CNTRL: variants seen among roughly 807,000 people sequenced by gnomAD.
CNTRL encodes the protein 110 kDa centrosomal protein.
Under a neutral mutation model 303.7 loss-of-function variants are expected in CNTRL, and 233 were observed. The ratio of observed to expected loss-of-function variants is 0.77; its 90% confidence interval spans 0.69 to 0.86. CNTRL has a LOEUF of 0.86. CNTRL is among the 40% of genes least tolerant of loss of function. CNTRL has a pLI of 0.00. For synonymous variants in CNTRL, 900 were observed against 922.2 expected, an observed-to-expected ratio of 0.98 and a Z score of 0.44; for missense variants, 2,524 against 2,650.6, an observed-to-expected ratio of 0.95 and a Z score of 1.05.
At chr9:121,103,541 T>A (rs865782156) in intron 7 of CNTRL, among the ~76,000 whole-genome samples, 4 of 152,024 alleles carry the variant, frequency 2.6e-5, no homozygotes, top group African/African-American at 9.7e-5. Flanking sequence ...AAGCCAAAAT[T>A]GACAGATGGG....
intron 14 of CNTRL, among the ~76,000 whole-genome samples, chr9:121,131,442 T>G (rs1337916982): frequency 1.3e-5 from 2 of 152,354 alleles, no homozygotes; most frequent in African/African-American, 4.8e-5. Flanking sequence ...TATCAGAGAC[T>G]AGGATTGCAG....
chr9:121,143,892 T>C lies in CNTRL; in HGVS notation c.2872-11T>C. On this transcript the variant is annotated splice_polypyrimidine_tract_variant and intron_variant, in intron 19 of 43. Transcript: ENST00000373855. ...GATTCATCTGTTTAATTAATATTTCTTTTATTTTAGAAGAAACTTGAAGAT... is the reference window on the plus strand; with the variant it reads ...GATTCATCTGTTTAATTAATATTTCCTTTATTTTAGAAGAAACTTGAAGAT... 6.3e-7 allele frequency: 1 copy of C among 1,578,916 alleles called. No individual in the cohort carries two copies. Among genetic ancestry groups the C allele is most frequent in the Non-Finnish European group, 8.6e-7 (1 of 1,164,996 alleles).
intron 1 of CNTRL, among the ~76,000 whole-genome samples, chr9:121,077,672 C>T (rs1421612140): frequency 6.6e-6 from 1 of 152,154 alleles, no homozygotes; most frequent in Non-Finnish European, 1.5e-5. Context: ...AGGCTGGGCA[C>T]AGTGGCTCAC....
chr9:121,173,150 A>G, intron 40 of CNTRL, 93 bp from the exon 41 acceptor site: 1 of 1,148,194 alleles, frequency 8.7e-7, no homozygotes, highest in Non-Finnish European at 1.2e-6. Flanking sequence ...GTTGATATTT[A>G]TAGATCTTTA....
At chr9:121,102,725 A>G (rs1044990006) in intron 7 of CNTRL, among the ~76,000 whole-genome samples, 3 of 152,362 alleles carry the variant, frequency 2.0e-5, no homozygotes, top group Non-Finnish European at 4.4e-5. Context: ...TCAATGTGCA[A>G]AAATCACAAG....
At position 121,168,184 on chromosome 9, in the gene CNTRL, T is replaced by C; in HGVS notation, c.5933T>C (p.Leu1978Pro). The C allele has an allele frequency of 6.2e-7, 1 of 1,614,108 alleles. No homozygotes were observed. Among genetic ancestry groups the C allele is most frequent in the Non-Finnish European group, 8.5e-7 (1 of 1,180,004 alleles). Reference sequence around the variant, plus strand: ...ACACTGAAGGAGCAACAGCACCAGCTGGAAAAGGAATTAACAGACCAGAAA... The same window carrying C: ...ACACTGAAGGAGCAACAGCACCAGCCGGAAAAGGAATTAACAGACCAGAAA... Reference protein sequence around the residue: ...KVTLKEQQHQLEKELTDQKSK... With the variant: ...KVTLKEQQHQPEKELTDQKSK... Residue 1978 changes from leucine (L) to proline (P), a missense_variant, in exon 38 of 44, where the codon CTG (leucine) becomes CCG (proline). By Grantham distance (98) the Leu-to-Pro change is moderately conservative. Transcript: ENST00000373855.
At chr9:121,143,334 G>A (rs1159028571) in intron 19 of CNTRL, among the ~76,000 whole-genome samples, 1 of 152,090 alleles carries the variant, frequency 6.6e-6, no homozygotes, top group Non-Finnish European at 1.5e-5. Flanking sequence ...CTCTCTTCTG[G>A]ATGACTACTG....
At chr9:121,116,432 C>T (rs2049980849) in intron 11 of CNTRL, among the ~76,000 whole-genome samples, 2 of 151,886 alleles carry the variant, frequency 1.3e-5, no homozygotes, top group Admixed American at 1.3e-4. Flanking sequence ...GTGATTCTCC[C>T]ACCTTAGCTT....
At chr9:121,161,189 T>C (rs2052836684) in intron 32 of CNTRL, 1 of 403,140 alleles carries the variant, frequency 2.5e-6, no homozygotes, top group Non-Finnish European at 4.6e-6. Flanking sequence ...TAGAAGGAAA[T>C]ACATCAAAAT....
At chr9:121,143,796 A>C in intron 19 of CNTRL, 107 bp from the exon 20 acceptor site, 1 of 752,460 alleles carries the variant, frequency 1.3e-6, no homozygotes, top group East Asian at 2.7e-5. Flanking sequence ...TGTATCAAGT[A>C]TTGTTCTAGG....
At chr9:121,099,800 A>G (rs950685603) in intron 7 of CNTRL, among the ~76,000 whole-genome samples, 35 of 152,364 alleles carry the variant, frequency 2.3e-4, no homozygotes, top group African/African-American at 8.2e-4. Context: ...ACTGGAAGAA[A>G]GAATATCAGT....
chr9:121,144,765 GAATC>G, intron 20 of CNTRL, 74 bp from the exon 21 acceptor site: 1 of 1,116,480 alleles, frequency 9.0e-7, no homozygotes, highest in Non-Finnish European at 1.4e-6. Flanking sequence ...GAAAGCAGAA[GAATC>G]AATCCAAGAG....
chr9:121,119,977 T>G (rs1170023507), intron 12 of CNTRL, among the ~76,000 whole-genome samples: 2 of 152,212 alleles, frequency 1.3e-5, no homozygotes, highest in Non-Finnish European at 2.9e-5. Flanking sequence ...CTAGATATGG[T>G]CAGGTGGCTG....
At chr9:121,086,004 G>A (rs2048327088) in intron 2 of CNTRL, among the ~76,000 whole-genome samples, 1 of 152,184 alleles carries the variant, frequency 6.6e-6, no homozygotes, top group Non-Finnish European at 1.5e-5. Context: ...TGGAAGGAAG[G>A]TGGTTCTGAG....
chr9:121,136,538 C>G (rs1333874019), intron 15 of CNTRL, among the ~76,000 whole-genome samples: 1 of 151,932 alleles, frequency 6.6e-6, no homozygotes, highest in Non-Finnish European at 1.5e-5. Context: ...TACAAACTCC[C>G]GACCTCAGGC....
At chr9:121,138,700 A>T in intron 16 of CNTRL, 21 bp downstream of exon 16, 2 of 1,612,360 alleles carry the variant, frequency 1.2e-6, no homozygotes, top group East Asian at 4.5e-5. Context: ...GTTGTTTTAG[A>T]ATACATTCTT....
intron 10 of CNTRL, 124 bp downstream of exon 10, chr9:121,113,848 A>C: frequency 1.8e-6 from 1 of 547,706 alleles, no homozygotes; most frequent in Non-Finnish European, 3.0e-6. Flanking sequence ...GAAAAGTCTA[A>C]AACAAAAGTA....
intron 15 of CNTRL, among the ~76,000 whole-genome samples, chr9:121,137,596 T>C (rs1232408743): frequency 1.3e-5 from 2 of 152,250 alleles, no homozygotes; most frequent in Non-Finnish European, 2.9e-5. Flanking sequence ...TTATGAGATA[T>C]CAGATCATCA....
At chr9:121,132,475 G>C (rs192479268) in intron 14 of CNTRL, among the ~76,000 whole-genome samples, 1 of 152,078 alleles carries the variant, frequency 6.6e-6, no homozygotes, top group Non-Finnish European at 1.5e-5. Flanking sequence ...ATGGTTTTCA[G>C]CTCCATCAGG....
Sources: gnomAD v4.1 joint callset for allele counts (sites outside exome capture counted in the v4.1 genomes callset) on GRCh38, gnomAD v4.1.1 for gene constraint, MANE v1.5 for transcripts, NCBI Gene and HGNC (gene_info 2026-07-23, HGNC 2026-07-21) for gene names.